Variants in MAPK10 observed in about 807,000 individuals in gnomAD.
The protein encoded by MAPK10 is JNK3 alpha protein kinase.
In MAPK10, 25 loss-of-function variants were observed where a neutral mutation model predicts 59.3. That is an observed-to-expected ratio of 0.42 (90% confidence interval 0.31 to 0.59). The LOEUF (loss-of-function observed/expected upper bound fraction) is 0.59, where lower values mean the gene tolerates loss of function less well. Among genes scored for constraint, MAPK10 ranks in the 20% least tolerant of loss-of-function variants. The pLI, the probability that MAPK10 is intolerant of heterozygous loss-of-function variation, is 0.15. For synonymous variants in MAPK10, 190 were observed against 200.5 expected, an observed-to-expected ratio of 0.95 and a Z score of 0.44; for missense variants, 351 against 568.9, an observed-to-expected ratio of 0.62 and a Z score of 3.90.
Position 86,166,912 on chromosome 4 carries a change from A to C in MAPK10, c.67-7445T>G, listed in dbSNP as rs573844347. On this transcript the variant is annotated intron_variant, in intron 3 of 13. Transcript: ENST00000641462. ...GAAAAACATAGAGACACAAAAAAAA[A>C]CCTTCAAAAATCAATGAATCCAGGA... is the stretch of plus-strand genomic sequence containing the variant. 3.8e-4 allele frequency among the ~76,000 whole-genome samples: 58 copies of C among 152,304 alleles called. No homozygotes were observed. The South Asian group carries it at 0.012, about 31-fold the overall frequency.
intron 2 of MAPK10, among the ~76,000 whole-genome samples, chr4:86,290,359 C>T (rs2095181711): frequency 6.6e-6 from 1 of 152,162 alleles, no homozygotes; most frequent in African/African-American, 2.4e-5. Context: ...TTCCTTCTTC[C>T]AGGAATGCTG....
chr4:86,113,243 T>C (rs2057791255), intron 4 of MAPK10, among the ~76,000 whole-genome samples: 1 of 152,186 alleles, frequency 6.6e-6, no homozygotes, highest in African/African-American at 2.4e-5. Flanking sequence ...ATGTGTGAAT[T>C]TGATCCTGTC....
At chr4:86,034,469 A>G (rs1216529417) in intron 11 of MAPK10, among the ~76,000 whole-genome samples, 1 of 152,230 alleles carries the variant, frequency 6.6e-6, no homozygotes, top group Admixed American at 6.5e-5. Flanking sequence ...GAGGAAAAAA[A>G]CACAAACAAG....
intron 5 of MAPK10, among the ~76,000 whole-genome samples, chr4:86,106,331 T>C (rs2056523215): frequency 6.6e-6 from 1 of 151,984 alleles, no homozygotes; most frequent in African/African-American, 2.4e-5. Context: ...AAGAACTTTG[T>C]AGAGAGTTAT....
intron 2 of MAPK10, among the ~76,000 whole-genome samples, chr4:86,311,054 A>G (rs2095658922): frequency 6.6e-6 from 1 of 151,828 alleles, no homozygotes; most frequent in Non-Finnish European, 1.5e-5. Context: ...ACACACACAC[A>G]CACACACACA....
intron 2 of MAPK10, chr4:86,300,802 T>C (rs1399526171): frequency 6.6e-6 from 1 of 151,534 alleles, no homozygotes; most frequent in Non-Finnish European, 1.5e-5. Flanking sequence ...GTTCAGACAC[T>C]GGTAGCAAAG....
chr4:86,275,272 T>C (rs1178042271), intron 2 of MAPK10, among the ~76,000 whole-genome samples: 1 of 152,068 alleles, frequency 6.6e-6, no homozygotes, highest in African/African-American at 2.4e-5. Context: ...AGATTGTAGC[T>C]AATGTTGTGT....
intron 1 of MAPK10, among the ~76,000 whole-genome samples, chr4:86,397,018 T>C (rs903638086): frequency 3.3e-5 from 5 of 152,204 alleles, no homozygotes; most frequent in African/African-American, 1.2e-4. Flanking sequence ...AAATTACATA[T>C]GTGGTTCACC....
intron 2 of MAPK10, among the ~76,000 whole-genome samples, chr4:86,206,481 T>C (rs1055742894): frequency 6.6e-6 from 1 of 152,062 alleles, no homozygotes; most frequent in Non-Finnish European, 1.5e-5. Flanking sequence ...GTCTTTGCTT[T>C]TGTGAATAGT....
chr4:86,301,966 A>T (rs1250995564), intron 2 of MAPK10, among the ~76,000 whole-genome samples: 1 of 152,102 alleles, frequency 6.6e-6, no homozygotes, highest in African/African-American at 2.4e-5. Flanking sequence ...CAGCCATTTC[A>T]CTGGCATCTC....
At chr4:86,425,842 A>G (rs1359480561) in intron 1 of MAPK10, among the ~76,000 whole-genome samples, 1 of 152,150 alleles carries the variant, frequency 6.6e-6, no homozygotes, top group Non-Finnish European at 1.5e-5. Flanking sequence ...ATGGTGGCAC[A>G]TGCCTGTAAT....
In MAPK10 at chr4:86,014,697, C is replaced by G. The variant is rs1215115518; in HGVS notation, c.*2531G>C. 1.3e-5 allele frequency: 2 copies of G among 152,192 alleles called. No individual in the cohort carries two copies. The highest frequency in any genetic ancestry group is 2.9e-5 in the Non-Finnish European group (2 of 68,100). 9.4% of individuals were successfully genotyped at this position (152,192 alleles called of 1,614,324 possible). A position where few individuals can be genotyped will look rare whatever the true frequency, so the allele number is the denominator to read the frequency against. On this transcript the variant is annotated 3_prime_UTR_variant, in exon 14 of 14. Coordinates refer to ENST00000641462, the MANE Select transcript of MAPK10 (RefSeq NM_138982.4). ...TAATTGAGCTTTGGGAAGGTACTAA[C>G]AGCGGGGGAGGGGCCCTGTCTAGTT...
chr4:86,141,401 C>G (rs555029312), intron 4 of MAPK10, among the ~76,000 whole-genome samples: 1 of 152,142 alleles, frequency 6.6e-6, no homozygotes, highest in Non-Finnish European at 1.5e-5. Flanking sequence ...TCATGAAGTC[C>G]ACATCTTTAT....
intron 1 of MAPK10, among the ~76,000 whole-genome samples, chr4:86,400,787 T>C (rs1743605788): frequency 1.3e-5 from 2 of 152,090 alleles, no homozygotes; most frequent in African/African-American, 2.4e-5. Flanking sequence ...TTCAATGACA[T>C]CCTAACGGCA....
chr4:86,110,073 T>C (rs2057229412), intron 4 of MAPK10, among the ~76,000 whole-genome samples: 1 of 152,046 alleles, frequency 6.6e-6, no homozygotes, highest in Non-Finnish European at 1.5e-5. Context: ...TTATATGAGG[T>C]TGGTTTTTTT....
At chr4:86,244,541 AG>A (rs1414468214) in intron 2 of MAPK10, among the ~76,000 whole-genome samples, 2 of 152,202 alleles carry the variant, frequency 1.3e-5, no homozygotes, top group Admixed American at 1.3e-4. Context: ...AGTTCAAAAC[AG>A]TTCTTAATAA....
chr4:86,354,249 T>G (rs1733251275), intron 2 of MAPK10, among the ~76,000 whole-genome samples: 1 of 152,100 alleles, frequency 6.6e-6, no homozygotes, highest in African/African-American at 2.4e-5. Flanking sequence ...CAACTGTTAC[T>G]CTGCCACATG....
chr4:86,249,247 T>G (rs2093288717), intron 2 of MAPK10, among the ~76,000 whole-genome samples: 1 of 152,166 alleles, frequency 6.6e-6, no homozygotes, highest in Non-Finnish European at 1.5e-5. Flanking sequence ...CTTATTTTTA[T>G]TGCTTCAAAA....
At chr4:86,246,801 G>A (rs940808307) in intron 2 of MAPK10, among the ~76,000 whole-genome samples, 3 of 152,106 alleles carry the variant, frequency 2.0e-5, no homozygotes, top group Admixed American at 6.5e-5. Flanking sequence ...TGGTCACCAC[G>A]CTACTCCTCC....
Sources: gnomAD v4.1 joint callset for allele counts (sites outside exome capture counted in the v4.1 genomes callset) on GRCh38, gnomAD v4.1.1 for gene constraint, MANE v1.5 for transcripts, NCBI Gene and HGNC (gene_info 2026-07-23, HGNC 2026-07-21) for gene names.